Variants in SORCS1 observed in about 807,000 individuals in gnomAD.
SORCS1 encodes the protein VPS10 domain-containing receptor SorCS1.
SORCS1 carries 60 observed loss-of-function variants against 146.1 expected under a neutral mutation model. The ratio of observed to expected loss-of-function variants is 0.41; its 90% confidence interval spans 0.33 to 0.51. The LOEUF (loss-of-function observed/expected upper bound fraction) is 0.51, where lower values mean the gene tolerates loss of function less well. Among genes scored for constraint, SORCS1 ranks in the 20% least tolerant of loss-of-function variants. The pLI, the probability that SORCS1 is intolerant of heterozygous loss-of-function variation, is 0.21. For synonymous variants in SORCS1, 637 were observed against 584.0 expected (o/e 1.09, Z -1.31); for missense variants, 1,352 against 1,487.6 (o/e 0.91, Z 1.50).
chr10:106,901,859 C>T (rs1015397715), intron 2 of SORCS1, among the ~76,000 whole-genome samples: 5 of 152,054 alleles, frequency 3.3e-5, no homozygotes, highest in South Asian at 2.1e-4. Context: ...CTGGCTAACA[C>T]GGTGAAACCC....
intron 1 of SORCS1, among the ~76,000 whole-genome samples, chr10:107,082,548 G>A (rs1963411626): frequency 6.6e-6 from 1 of 151,816 alleles, no homozygotes; most frequent in African/African-American, 2.4e-5. Context: ...TGTGATCTCA[G>A]CTCACTGTAA....
chr10:107,056,082 T>C (rs571559895), intron 1 of SORCS1, among the ~76,000 whole-genome samples: 4 of 152,292 alleles, frequency 2.6e-5, no homozygotes, highest in African/African-American at 9.6e-5. Context: ...AGTTGTAGAA[T>C]GAGCTGCTTG....
At chr10:106,983,754 G>T (rs920538546) in intron 1 of SORCS1, among the ~76,000 whole-genome samples, 1 of 152,148 alleles carries the variant, frequency 6.6e-6, no homozygotes, top group African/African-American at 2.4e-5. Flanking sequence ...CTCTGTGTCT[G>T]ATTTTACTAC....
chr10:107,138,679 T>C (rs1967544208), intron 1 of SORCS1, among the ~76,000 whole-genome samples: 1 of 152,250 alleles, frequency 6.6e-6, no homozygotes, highest in African/African-American at 2.4e-5. Flanking sequence ...CAAGGCAATT[T>C]AATTGTTCAT....
intron 5 of SORCS1, among the ~76,000 whole-genome samples, chr10:106,734,603 A>G (rs1194832250): frequency 6.6e-6 from 1 of 152,190 alleles, no homozygotes; most frequent in Non-Finnish European, 1.5e-5. Context: ...CAAACCAGCC[A>G]TATCAGCATG....
intron 2 of SORCS1, among the ~76,000 whole-genome samples, chr10:106,912,300 T>TGAAAC (rs1564802771): frequency 6.7e-6 from 1 of 148,234 alleles, no homozygotes; most frequent in East Asian, 2.0e-4. Flanking sequence ...TAACTGAACA[T>TGAAAC]GAAACAAAAC....
At chr10:106,870,650 G>A (rs1377643338) in intron 2 of SORCS1, among the ~76,000 whole-genome samples, 2 of 152,102 alleles carry the variant, frequency 1.3e-5, no homozygotes, top group Admixed American at 1.3e-4. Context: ...GAAGATTGAA[G>A]CTGGACCCCT....
chr10:106,659,193 C>T (rs1247759435), intron 17 of SORCS1, among the ~76,000 whole-genome samples: 1 of 152,160 alleles, frequency 6.6e-6, no homozygotes, highest in Non-Finnish European at 1.5e-5. Context: ...TGGACTATTC[C>T]CCTCAATGGA....
chr10:106,580,480 A>T (rs1000080430), intron 24 of SORCS1, among the ~76,000 whole-genome samples: 2 of 152,218 alleles, frequency 1.3e-5, no homozygotes, highest in Non-Finnish European at 2.9e-5. Context: ...CTACCCTCTT[A>T]AAAGTTGACA....
chr10:106,668,651 C>T lies in SORCS1; in HGVS notation c.2190-849G>A, dbSNP rs79782732. Among the ~76,000 whole-genome samples the T allele has an allele frequency of 1.3e-4, 20 of 152,242 alleles. No individual in the cohort carries two copies. The East Asian group carries it at 3.5e-3, about 27-fold the overall frequency. ...AGGTGAGATGCTGGCACACAAGGGT[C>T]AGTAAGGGAGAAATAGGCTCAGCTC... On this transcript the variant is annotated intron_variant, in intron 16 of 25. Transcript: ENST00000263054.
intron 1 of SORCS1, among the ~76,000 whole-genome samples, chr10:107,047,431 GT>G (rs1031865990): frequency 6.6e-6 from 1 of 152,122 alleles, no homozygotes; most frequent in African/African-American, 2.4e-5. Context: ...GCCCTGATAG[GT>G]TATTATTTTG....
chr10:107,035,295 G>C (rs1253429285), intron 1 of SORCS1, among the ~76,000 whole-genome samples: 1 of 139,030 alleles, frequency 7.2e-6, no homozygotes, highest in Non-Finnish European at 1.6e-5. Flanking sequence ...AAAAAACACA[G>C]AAAAACTTCA....
chr10:106,580,288 C>T lies in SORCS1; in HGVS notation c.3266-814G>A, dbSNP rs545269879. Among the ~76,000 whole-genome samples the T allele has an allele frequency of 2.6e-3, 398 of 152,268 alleles. 1 individual carries two copies. Among genetic ancestry groups the T allele is most frequent in the Non-Finnish European group, 3.0e-3 (203 of 68,022 alleles). ...CTCTGACAGCCCTCCCCAAGATGCTCCAGCCTCTCAAACACAGTGAGTTTT... is the reference window on the plus strand; with the variant it reads ...CTCTGACAGCCCTCCCCAAGATGCTTCAGCCTCTCAAACACAGTGAGTTTT... On this transcript the variant is annotated intron_variant, in intron 24 of 25. Transcript: ENST00000263054.
chr10:106,614,729 A>G (rs1847240211), intron 21 of SORCS1, among the ~76,000 whole-genome samples: 1 of 152,208 alleles, frequency 6.6e-6, no homozygotes, highest in South Asian at 2.1e-4. Context: ...CTCCGTAATT[A>G]CTTAGCATAC....
At chr10:106,770,795 CCTT>C (rs1859963012) in intron 4 of SORCS1, among the ~76,000 whole-genome samples, 2 of 152,372 alleles carry the variant, frequency 1.3e-5, no homozygotes, top group South Asian at 4.1e-4. Flanking sequence ...ATCCCTCCCT[CCTT>C]CTAAATGAAC....
chr10:107,164,419 G>A lies in SORCS1; in HGVS notation c.108C>T (p.Ser36=), dbSNP rs914649627. Residue 36 remains serine, a synonymous_variant, in exon 1 of 26, where the codon TCC becomes TCT. Coordinates refer to ENST00000263054, the MANE Select transcript of SORCS1 (RefSeq NM_052918.5). This position sits in a 1 kb window ranked among gnomAD's most constrained non-coding sequence, Gnocchi z 6.8. ...AGCTGGGGTGCGGCGAGGGGCAGCA[G>A]GAGCCGCCGCCGCAGACGCCCGGGG... ...LCAPGVCGGG[S]CCPSPHPSSA... is the part of the protein sequence containing the mutation. The A allele has an allele frequency of 3.5e-6, 5 of 1,412,744 alleles. No individual in the cohort carries two copies. The African/African-American group carries it at 5.9e-5, about 17-fold the overall frequency. 87.5% of individuals were successfully genotyped at this position (1,412,744 alleles called of 1,614,324 possible).
intron 24 of SORCS1, among the ~76,000 whole-genome samples, chr10:106,586,517 T>A (rs1395197435): frequency 6.6e-6 from 1 of 152,218 alleles, no homozygotes; most frequent in Admixed American, 6.5e-5. Context: ...TTCATCTGAC[T>A]GTTCCTTGCT....
chr10:106,676,420 A>C (rs977891650), intron 13 of SORCS1, among the ~76,000 whole-genome samples: 5 of 152,194 alleles, frequency 3.3e-5, no homozygotes, highest in Admixed American at 3.3e-4. Context: ...TGTGGAATGC[A>C]AAAATGGATA....
At chr10:107,008,592 A>G (rs1589916720) in intron 1 of SORCS1, among the ~76,000 whole-genome samples, 1 of 152,350 alleles carries the variant, frequency 6.6e-6, no homozygotes. Flanking sequence ...TAGAAACAAT[A>G]TTTGATAATG....
Sources: allele counts gnomAD v4.1 joint callset (sites outside exome capture counted in the v4.1 genomes callset), GRCh38; gene constraint gnomAD v4.1.1; non-coding constraint Gnocchi (gnomAD v3.1); transcripts MANE v1.5; gene names NCBI Gene and HGNC (gene_info 2026-07-23, HGNC 2026-07-21).